The following IL18RAP variants were observed in gnomAD, a reference collection of about 807,000 sequenced individuals.
IL18RAP encodes interleukin 18 receptor accessory protein.
A neutral mutation model predicts 58.1 loss-of-function variants in IL18RAP; 37 were observed. The ratio of observed to expected loss-of-function variants is 0.64; its 90% CI spans 0.49 to 0.84. The LOEUF is 0.84. Among genes scored for constraint, IL18RAP ranks in the 40% least tolerant of loss-of-function variants. The probability of loss-of-function intolerance (pLI) is 0.00; values close to 1 mark genes in which losing one functional copy is unlikely to be tolerated. For missense variants in IL18RAP, 667 were observed against 704.8 expected (o/e 0.95, Z 0.61); for synonymous variants, 268 against 257.5 (o/e 1.04, Z -0.39).
chr2:102,434,879 C>G (rs987556990), intron 3 of IL18RAP: 1 of 152,154 alleles, frequency 6.6e-6, no homozygotes, highest in Non-Finnish European at 1.5e-5. Flanking sequence ...TGATATTAAC[C>G]ATCACTTCCT....
At chr2:102,435,367 T>G (rs1400608322) in intron 3 of IL18RAP, 3 of 152,206 alleles carry the variant, frequency 2.0e-5, no homozygotes, top group Admixed American at 6.5e-5. Context: ...AAATGAAAGA[T>G]TAAAAGCTTT....
intron 3 of IL18RAP, among the ~76,000 whole-genome samples, chr2:102,432,904 G>A (rs765695859): frequency 1.3e-5 from 2 of 151,860 alleles, no homozygotes; most frequent in Non-Finnish European, 2.9e-5. Flanking sequence ...TGAAAAAATA[G>A]CCTTGGCATA....
upstream of IL18RAP, among the ~76,000 whole-genome samples, chr2:102,420,809 G>C (rs1228683636): frequency 6.6e-6 from 1 of 152,208 alleles, no homozygotes; most frequent in Non-Finnish European, 1.5e-5. Flanking sequence ...GGTCCAAAAA[G>C]AGCCTAAGTG....
At chr2:102,436,645 T>A (rs1230667887) in intron 3 of IL18RAP, among the ~76,000 whole-genome samples, 1 of 151,674 alleles carries the variant, frequency 6.6e-6, no homozygotes, top group Middle Eastern at 3.2e-3. Flanking sequence ...TGAGGTTGAT[T>A]CTCAGTGCTC....
At chr2:102,434,346 T>G (rs1360542548) in intron 3 of IL18RAP, 2 of 152,242 alleles carry the variant, frequency 1.3e-5, no homozygotes, top group African/African-American at 4.8e-5. Flanking sequence ...TCTCTATTTT[T>G]GTTTGTAGAG....
In IL18RAP at chr2:102,443,214, A is replaced by G. The variant is rs1301908187; in HGVS notation, c.811A>G (p.Ile271Val). The G allele has an allele frequency of 6.2e-7, 1 of 1,612,644 alleles. No individual in the cohort carries two copies. Among genetic ancestry groups the G allele is most frequent in the Non-Finnish European group, 8.5e-7 (1 of 1,179,614 alleles). Residue 271 changes from isoleucine to valine, a missense_variant, in exon 6 of 10, where the codon ATT (isoleucine) becomes GTT (valine). By Grantham distance (29) the Ile-to-Val change is conservative. Transcript: ENST00000687160. ...LEVELGKPLT[I>V]SCKARFGFER... ...TTCATTTTCAGGAAAGCCTTTAACTATTAGCTGCAAAGCACGATTTGGCTT... is the reference window on the plus strand; with the variant it reads ...TTCATTTTCAGGAAAGCCTTTAACTGTTAGCTGCAAAGCACGATTTGGCTT...
At chr2:102,451,701 C>T (rs1291815690) in intron 9 of IL18RAP, 65 bp from the exon 10 acceptor site, 3 of 1,360,958 alleles carry the variant, frequency 2.2e-6, no homozygotes, top group Non-Finnish European at 3.1e-6. Flanking sequence ...GAATCCATTG[C>T]AAGGACCTCT....
chr2:102,445,406 A>G, intron 7 of IL18RAP, 66 bp downstream of exon 7: 1 of 1,455,930 alleles, frequency 6.9e-7, no homozygotes, highest in Non-Finnish European at 9.6e-7. Flanking sequence ...GAGTTTTCCT[A>G]AAGAATAGTA....
At chr2:102,447,344 T>C in intron 8 of IL18RAP, 137 bp downstream of exon 8, 3 of 989,232 alleles carry the variant, frequency 3.0e-6, no homozygotes, top group Non-Finnish European at 4.5e-6. Flanking sequence ...AAATGTCCCC[T>C]GCCAGCCAGG....
In IL18RAP at chr2:102,423,909, T is replaced by A. The variant is rs1392187962; in HGVS notation, c.169T>A (p.Cys57Ser). ...DLPEPQKSHF[C>S]HRNRLSPKQV... ...ACCAGAGCCACAGAAATCACATTTC[T>A]GCCACAGAAATCGACTCTCACCAAA... Residue 57 changes from cysteine (C) to serine (S), a missense_variant, in exon 2 of 10, where the codon TGC (cysteine) becomes AGC (serine). Transcript: ENST00000687160. The A allele has an allele frequency of 1.9e-6, 3 of 1,614,014 alleles. No individual in the cohort carries two copies. In the East Asian group the frequency reaches 6.7e-5, roughly 36 times the overall value.
At position 102,423,269 on chromosome 2, in the gene IL18RAP, G is replaced by C. The variant is rs755893405; in HGVS notation, c.-9G>C. ...GTTATTGGAGTGATGACAGGAACAC[G>C]GGAGAACAATGCTCTGTTTGGGCTG... On this transcript the variant is annotated 5_prime_UTR_variant, in exon 1 of 10. Coordinates refer to ENST00000687160, the MANE Select transcript of IL18RAP (RefSeq NM_001393487.1). 2.2e-5 allele frequency: 35 copies of C among 1,613,590 alleles called. No homozygotes were observed. The highest frequency in any genetic ancestry group is 5.3e-5 in the African/African-American group (4 of 74,874).
intron 8 of IL18RAP, among the ~76,000 whole-genome samples, chr2:102,449,261 C>G (rs1380329133): frequency 6.6e-6 from 1 of 151,944 alleles, no homozygotes; most frequent in Non-Finnish European, 1.5e-5. Flanking sequence ...GAGCAAGACT[C>G]CTTTTCAAAA....
At chr2:102,419,799 T>C (rs1681456687), upstream of IL18RAP, 3 of 152,440 alleles carry the variant, frequency 2.0e-5, no homozygotes, top group South Asian at 6.2e-4. Flanking sequence ...ACTTACCAGG[T>C]ATGTGATTAT....
intron 1 of IL18RAP, 100 bp from the exon 2 acceptor site, chr2:102,423,711 G>A: frequency 1.2e-6 from 1 of 852,326 alleles, no homozygotes; most frequent in Non-Finnish European, 1.8e-6. Context: ...GACACACAAG[G>A]AAGCTAGATC....
intron 2 of IL18RAP, 37 bp downstream of exon 2, chr2:102,424,172 CA>C (rs1228925947): frequency 6.2e-7 from 1 of 1,605,886 alleles, no homozygotes; most frequent in Non-Finnish European, 8.5e-7. Context: ...AAAACATTTC[CA>C]AATCCTCTAT....
intron 4 of IL18RAP, chr2:102,438,596 A>C (rs546461292): frequency 6.6e-6 from 1 of 152,106 alleles, no homozygotes; most frequent in East Asian, 1.9e-4. Context: ...AGCCCCTCAA[A>C]TTCTCAATGG....
chr2:102,436,664 C>A (rs1682759858), intron 3 of IL18RAP, among the ~76,000 whole-genome samples: 2 of 145,820 alleles, frequency 1.4e-5, no homozygotes, highest in Non-Finnish European at 1.5e-5. Context: ...TCTCACTTAC[C>A]AGCTTTGTCA....
intron 7 of IL18RAP, among the ~76,000 whole-genome samples, chr2:102,446,617 G>A (rs1161322450): frequency 2.0e-5 from 3 of 151,998 alleles, no homozygotes; most frequent in African/African-American, 2.4e-5. Flanking sequence ...GGCTAACAAG[G>A]TGAAGCCCCG....
chr2:102,424,344 C>T lies in IL18RAP; in HGVS notation c.509C>T (p.Thr170Ile), dbSNP rs757654299. 1.2e-6 allele frequency: 2 copies of T among 1,614,078 alleles called. No homozygotes were observed. The highest frequency in any genetic ancestry group is 1.3e-5 in the African/African-American group (1 of 75,020). ...AAGCAAGACCTACTTCTTGGGAGCA[C>T]TGGCTCTATTTCTTGCCCCAGTCTC... ...SHKQDLLLGS[T>I]GSISCPSLSC... Residue 170 changes from threonine to isoleucine, a missense_variant, in exon 3 of 10, where the codon ACT becomes ATT. Transcript: ENST00000687160.
Sources: gnomAD v4.1 joint callset for allele counts (sites outside exome capture counted in the v4.1 genomes callset) on GRCh38, gnomAD v4.1.1 for gene constraint, MANE v1.5 for transcripts, NCBI Gene and HGNC (gene_info 2026-07-23, HGNC 2026-07-21) for gene names.